NCAM2: variants seen among roughly 807,000 people sequenced by gnomAD.
NCAM2 encodes neural cell adhesion molecule 2, also known as N-CAM-2.
A neutral mutation model predicts 98.1 loss-of-function variants in NCAM2; 30 were observed. The ratio of observed to expected loss-of-function variants is 0.31; its 90% CI spans 0.23 to 0.41. NCAM2 has a LOEUF of 0.41. Among genes scored for constraint, NCAM2 ranks in the 10% least tolerant of loss-of-function variants. The pLI, the probability that NCAM2 is intolerant of heterozygous loss-of-function variation, is 1.00. For synonymous variants in NCAM2, 368 were observed against 342.4 expected, an observed-to-expected ratio of 1.07 and a Z score of -0.83; for missense variants, 867 against 1,005.8, an observed-to-expected ratio of 0.86 and a Z score of 1.87.
chr21:21,147,210 C>A, intron 1 of NCAM2: 2 of 985,424 alleles, frequency 2.0e-6, no homozygotes, highest in Non-Finnish European at 2.4e-6. Context: ...TGGAACTCTG[C>A]CTCCGCAGTT....
At chr21:21,327,721 T>C (rs1033636746) in intron 6 of NCAM2, among the ~76,000 whole-genome samples, 2 of 152,286 alleles carry the variant, frequency 1.3e-5, no homozygotes, top group African/African-American at 4.8e-5. Context: ...CATTTAAACT[T>C]AATGTCCTCC....
chr21:21,388,649 T>C (rs374076067), intron 9 of NCAM2, among the ~76,000 whole-genome samples: 1 of 152,336 alleles, frequency 6.6e-6, no homozygotes, highest in East Asian at 1.9e-4. Flanking sequence ...TTTTGATTTC[T>C]TTTTACTTTA....
intron 1 of NCAM2, among the ~76,000 whole-genome samples, chr21:21,107,809 G>T (rs1275422071): frequency 6.6e-6 from 1 of 152,014 alleles, no homozygotes; most frequent in Non-Finnish European, 1.5e-5. Flanking sequence ...GATATGAGCT[G>T]ACTTTGCTTC....
intron 3 of NCAM2, among the ~76,000 whole-genome samples, chr21:21,285,915 C>T (rs535259682): frequency 4.0e-5 from 6 of 151,884 alleles, no homozygotes; most frequent in South Asian, 2.1e-4. Flanking sequence ...GAATTGAAGG[C>T]GGTGCAAATG....
At chr21:21,006,774 T>G (rs1162719671) in intron 1 of NCAM2, among the ~76,000 whole-genome samples, 2 of 152,170 alleles carry the variant, frequency 1.3e-5, no homozygotes, top group Non-Finnish European at 2.9e-5. Context: ...GGGAAGTCAT[T>G]CTGCCTGCTG....
intron 1 of NCAM2, among the ~76,000 whole-genome samples, chr21:21,005,793 C>T (rs1415363801): frequency 1.3e-5 from 2 of 149,912 alleles, no homozygotes; most frequent in Non-Finnish European, 3.0e-5. Context: ...AAATAAAATC[C>T]AGGAGAACGC....
At chr21:21,270,797 A>G (rs1039067822) in intron 1 of NCAM2, among the ~76,000 whole-genome samples, 1 of 152,054 alleles carries the variant, frequency 6.6e-6, no homozygotes, top group Non-Finnish European at 1.5e-5. Flanking sequence ...GAGATTTTCA[A>G]AACCTATTTG....
At chr21:21,507,686 A>G (rs1988072980) in intron 15 of NCAM2, among the ~76,000 whole-genome samples, 1 of 148,250 alleles carries the variant, frequency 6.7e-6, no homozygotes, top group South Asian at 2.3e-4. Context: ...GCTACTCGGG[A>G]GGCTGAGGCA....
chr21:21,379,164 T>G (rs2076095879), intron 9 of NCAM2, among the ~76,000 whole-genome samples: 1 of 152,090 alleles, frequency 6.6e-6, no homozygotes, highest in Non-Finnish European at 1.5e-5. Context: ...ACTTTTCTTT[T>G]TCTAGCTAAG....
At chr21:21,523,526 T>C (rs1989149996) in intron 16 of NCAM2, among the ~76,000 whole-genome samples, 1 of 151,972 alleles carries the variant, frequency 6.6e-6, no homozygotes, top group African/African-American at 2.4e-5. Context: ...TAAAAACTTT[T>C]ACTTTTCTTA....
chr21:21,500,135 C>T (rs767845591), intron 15 of NCAM2, among the ~76,000 whole-genome samples: 9 of 152,158 alleles, frequency 5.9e-5, no homozygotes, highest in Admixed American at 1.3e-4. Context: ...ATATAAAATT[C>T]AATCATGGTT....
chr21:21,494,663 A>G (rs935408474), intron 15 of NCAM2, among the ~76,000 whole-genome samples: 12 of 152,004 alleles, frequency 7.9e-5, no homozygotes, highest in African/African-American at 1.2e-4. Flanking sequence ...AAAGAACACA[A>G]AAGATATTTT....
intron 12 of NCAM2, among the ~76,000 whole-genome samples, chr21:21,447,206 A>G (rs532412907): frequency 6.6e-6 from 1 of 152,316 alleles, no homozygotes; most frequent in East Asian, 1.9e-4. Context: ...ATACAGACAT[A>G]TAGACCAATG....
chr21:21,384,365 G>A (rs910607290), intron 9 of NCAM2, among the ~76,000 whole-genome samples: 3 of 151,458 alleles, frequency 2.0e-5, no homozygotes, highest in Non-Finnish European at 3.0e-5. Flanking sequence ...GGTTATTAAT[G>A]TCTTACATGT....
At chr21:21,369,409 A>G (rs2075862246) in intron 8 of NCAM2, among the ~76,000 whole-genome samples, 1 of 151,628 alleles carries the variant, frequency 6.6e-6, no homozygotes. Flanking sequence ...TCACTTTTTG[A>G]CATTATTAAT....
At chr21:21,189,930 C>G (rs957718167) in intron 1 of NCAM2, among the ~76,000 whole-genome samples, 1 of 152,106 alleles carries the variant, frequency 6.6e-6, no homozygotes, top group Non-Finnish European at 1.5e-5. Context: ...TGGTGTCTGC[C>G]TAGTTACTCA....
chr21:21,086,495 T>C (rs1238153449), intron 1 of NCAM2, among the ~76,000 whole-genome samples: 1 of 152,200 alleles, frequency 6.6e-6, no homozygotes, highest in African/African-American at 2.4e-5. Flanking sequence ...ATATATGCTA[T>C]AGCATACATG....
At chr21:21,152,638 C>G (rs1440058938) in intron 1 of NCAM2, among the ~76,000 whole-genome samples, 2 of 151,904 alleles carry the variant, frequency 1.3e-5, no homozygotes, top group African/African-American at 4.8e-5. Flanking sequence ...AGTTCTACTT[C>G]ACCGTTTTGG....
intron 1 of NCAM2, among the ~76,000 whole-genome samples, chr21:21,205,901 T>A (rs1311874823): frequency 6.6e-6 from 1 of 152,120 alleles, no homozygotes. Flanking sequence ...TGTGGCTTAT[T>A]ATATAAGGGT....
Sources: allele counts gnomAD v4.1 joint callset (sites outside exome capture counted in the v4.1 genomes callset), GRCh38; gene constraint gnomAD v4.1.1; transcripts MANE v1.5; gene names NCBI Gene and HGNC (gene_info 2026-07-23, HGNC 2026-07-21).